TEKT1: variants seen among roughly 807,000 people sequenced by gnomAD.
TEKT1 encodes tektin-1.
TEKT1 carries 32 observed loss-of-function variants against 34.8 expected under a neutral mutation model. The observed-to-expected ratio is 0.92, with a 90% CI of 0.69 to 1.23. The LOEUF is 1.23. TEKT1 is among the 50% of genes most tolerant of loss of function. The pLI is 0.00. For synonymous variants in TEKT1, 207 were observed against 199.8 expected (o/e 1.04, Z -0.30); for missense variants, 492 against 518.5 (o/e 0.95, Z 0.50).
intron 6 of TEKT1, among the ~76,000 whole-genome samples, chr17:6,809,101 A>G (rs1356524093): frequency 6.6e-6 from 1 of 152,186 alleles, no homozygotes; most frequent in Non-Finnish European, 1.5e-5. Context: ...TATTATTAGC[A>G]TCTTCCATTA....
chr17:6,804,194 T>G (rs979526565), intron 6 of TEKT1, among the ~76,000 whole-genome samples: 4 of 152,142 alleles, frequency 2.6e-5, no homozygotes, highest in African/African-American at 9.7e-5. Flanking sequence ...TAAATTGGAT[T>G]CCTAGGTATT....
chr17:6,829,807 A>C (rs1904518697), intron 2 of TEKT1, among the ~76,000 whole-genome samples: 1 of 152,016 alleles, frequency 6.6e-6, no homozygotes, highest in Non-Finnish European at 1.5e-5. Context: ...CAACTGGCTG[A>C]ACCCATGGAT....
In TEKT1 at chr17:6,815,857, C is replaced by T. The variant is rs1463468087; in HGVS notation, c.462G>A (p.Leu154=). 6.2e-7 allele frequency: 1 copy of T among 1,614,094 alleles called. No individual in the cohort carries two copies. The highest frequency in any genetic ancestry group is 8.5e-7 in the Non-Finnish European group (1 of 1,180,044). The change falls in exon 4 of 8, where the codon TTG becomes TTA. Residue 154 remains leucine (L), a synonymous_variant. Coordinates refer to ENST00000338694, the MANE Select transcript of TEKT1 (RefSeq NM_053285.2). ...QGIMALLTRT[L]EEASEQIRMN... The stretch of plus-strand genomic sequence containing the variant: ...ACCGAATCTGCTCGGAAGCCTCCTC[C>T]AAGGTACGGGTCAGCAGAGCCATAA...
At chr17:6,819,024 T>C (rs976194819) in intron 3 of TEKT1, among the ~76,000 whole-genome samples, 169 bp downstream of exon 3, 4 of 152,188 alleles carry the variant, frequency 2.6e-5, no homozygotes. Context: ...CCAAGTCCAG[T>C]GCCCCTTGCA....
chr17:6,815,447 C>G lies in TEKT1; in HGVS notation c.486-141G>C, dbSNP rs139318416. 867 of 980,140 alleles carry G rather than the reference C, an allele frequency of 8.8e-4. 4 individuals are homozygous for G. Among genetic ancestry groups the G allele is most frequent in the Non-Finnish European group, 1.2e-3 (761 of 629,128 alleles). 60.7% of individuals were successfully genotyped at this position (980,140 alleles called of 1,614,324 possible). On this transcript the variant is annotated intron_variant, in intron 4 of 7. Transcript: ENST00000338694. ...CTGCCCCCCACCCATCACCCCAACA[C>G]TCATGCGTATACCATTTGATGCCCG...
chr17:6,811,735 G>A lies in TEKT1; in HGVS notation c.852+1096C>T, dbSNP rs949705320. On this transcript the variant is annotated intron_variant, in intron 6 of 7. Transcript: ENST00000338694. This position sits in a 1 kb window ranked among gnomAD's most constrained non-coding sequence, Gnocchi z 4.4. Reference sequence around the variant, plus strand: ...GCCTGGGCTCCACTCCCACCGTGCCGCCTTGGGGCCCTTCCCCTCTCTGTT... The same window carrying A: ...GCCTGGGCTCCACTCCCACCGTGCCACCTTGGGGCCCTTCCCCTCTCTGTT... Among the ~76,000 whole-genome samples the A allele has an allele frequency of 2.6e-4, 40 of 152,248 alleles. No individual in the cohort carries two copies. The highest frequency in any genetic ancestry group is 9.7e-4 in the East Asian group (5 of 5,166).
chr17:6,803,547 T>G (rs934113504), intron 6 of TEKT1, among the ~76,000 whole-genome samples: 1 of 152,246 alleles, frequency 6.6e-6, no homozygotes, highest in African/African-American at 2.4e-5. Flanking sequence ...GCCTATGTCC[T>G]GAATGGTATT....
intron 4 of TEKT1, 92 bp from the exon 5 acceptor site, chr17:6,815,398 T>G: frequency 2.0e-6 from 3 of 1,473,668 alleles, no homozygotes; most frequent in Non-Finnish European, 2.8e-6. Flanking sequence ...AAGCTGCAGC[T>G]AGGTCTGGTG....
chr17:6,821,776 A>T lies in TEKT1; in HGVS notation c.191-2418T>A, dbSNP rs565266335. 4.9e-4 allele frequency among the ~76,000 whole-genome samples: 75 copies of T among 152,308 alleles called. 2 individuals are homozygous for T. In the South Asian group the frequency reaches 0.015, roughly 30 times the overall value. ...TGAAGTCCTGCTGAGGTAGTCTCAGATGGAGATAAGGAACTTATTGGGAAC... is the reference window on the plus strand; with the variant it reads ...TGAAGTCCTGCTGAGGTAGTCTCAGTTGGAGATAAGGAACTTATTGGGAAC... On this transcript the variant is annotated intron_variant, in intron 2 of 7. Transcript: ENST00000338694.
intron 2 of TEKT1, among the ~76,000 whole-genome samples, chr17:6,822,808 T>C (rs1977112200): frequency 6.6e-6 from 1 of 152,190 alleles, no homozygotes; most frequent in African/African-American, 2.4e-5. Context: ...TTTCCTCAAT[T>C]ATTTGGTGAT....
At chr17:6,812,253 A>G (rs1235293973) in intron 6 of TEKT1, among the ~76,000 whole-genome samples, 11 of 152,140 alleles carry the variant, frequency 7.2e-5, no homozygotes. Flanking sequence ...CTGTAAGTCA[A>G]TTAAACCTCT....
At chr17:6,813,967 T>TCTCTCTCTCTCTCTCA (rs1441359856) in intron 5 of TEKT1, among the ~76,000 whole-genome samples, 7 of 151,808 alleles carry the variant, frequency 4.6e-5, no homozygotes, top group African/African-American at 1.7e-4. Context: ...TCTCTCTCTC[T>TCTCTCTCTCTCTCTCA]CTCTCTCTCT....
At chr17:6,810,086 C>T (rs1039417886) in intron 6 of TEKT1, among the ~76,000 whole-genome samples, 5 of 152,206 alleles carry the variant, frequency 3.3e-5, no homozygotes, top group Non-Finnish European at 2.9e-5. Flanking sequence ...GGGGCTGTAC[C>T]ATTTTGCATT....
intron 2 of TEKT1, among the ~76,000 whole-genome samples, chr17:6,819,769 G>A (rs942548365): frequency 2.6e-5 from 4 of 152,178 alleles, no homozygotes; most frequent in African/African-American, 9.7e-5. Flanking sequence ...CTCACTGCAA[G>A]CTCTGCCTCC....
intron 5 of TEKT1, among the ~76,000 whole-genome samples, chr17:6,813,607 T>C (rs1976958972): frequency 1.4e-5 from 2 of 146,724 alleles, no homozygotes; most frequent in South Asian, 2.1e-4. Context: ...TAGTATATAA[T>C]GCTGTTTAAT....
chr17:6,810,873 T>G (rs1288594188), intron 6 of TEKT1, among the ~76,000 whole-genome samples: 1 of 152,028 alleles, frequency 6.6e-6, no homozygotes, highest in Non-Finnish European at 1.5e-5. Context: ...CGAGTAGCTG[T>G]GATTACAGGC....
intron 2 of TEKT1, among the ~76,000 whole-genome samples, chr17:6,821,055 C>T (rs1242038948): frequency 6.6e-6 from 1 of 152,138 alleles, no homozygotes; most frequent in East Asian, 1.9e-4. Context: ...CACTCTGATT[C>T]CTGATTCTTT....
intron 6 of TEKT1, among the ~76,000 whole-genome samples, chr17:6,804,136 T>C (rs1298053336): frequency 6.6e-6 from 1 of 152,180 alleles, no homozygotes; most frequent in African/African-American, 2.4e-5. Flanking sequence ...TTTATTTCAT[T>C]GAGCAGTGGT....
Position 6,799,849 on chromosome 17 carries a change from C to A in TEKT1, c.*178G>T. The A allele has an allele frequency of 1.8e-6, 1 of 562,258 alleles. No individual in the cohort carries two copies. The highest frequency in any genetic ancestry group is 3.0e-6 in the Non-Finnish European group (1 of 328,720). The allele number at this position is 562,258 out of a possible 1,614,324, so 34.8% of individuals were successfully genotyped here. A position where few individuals can be genotyped will look rare whatever the true frequency, so the allele number is the denominator to read the frequency against. On this transcript the variant is annotated 3_prime_UTR_variant, in exon 8 of 8. Transcript: ENST00000338694. ...TGGAGTTGAATTGTTAGGCAAACAC[C>A]ACACCAGCATAAGAGAAGAAACTCG...
Sources: gnomAD v4.1 joint callset for allele counts (sites outside exome capture counted in the v4.1 genomes callset) on GRCh38, gnomAD v4.1.1 for gene constraint, Gnocchi (gnomAD v3.1) non-coding constraint, MANE v1.5 for transcripts, NCBI Gene and HGNC (gene_info 2026-07-23, HGNC 2026-07-21) for gene names.